THBS2: variants seen among roughly 807,000 people sequenced by gnomAD.
THBS2 encodes thrombospondin 2, also known as thrombospondin-2.
THBS2 carries 47 observed loss-of-function variants against 135.2 expected under a neutral mutation model. The ratio of observed to expected loss-of-function variants is 0.35; its 90% confidence interval spans 0.28 to 0.44. The LOEUF is 0.44. Ranked by LOEUF, THBS2 falls within the 20% of genes least tolerant of loss-of-function variation. THBS2 has a pLI of 1.00. For synonymous variants in THBS2, 639 were observed against 633.8 expected (o/e 1.01, Z -0.12); for missense variants, 1,288 against 1,603.1 (o/e 0.80, Z 3.36).
At chr6:169,224,389 C>T (rs2114979731) in intron 17 of THBS2, among the ~76,000 whole-genome samples, 1 of 152,346 alleles carries the variant, frequency 6.6e-6, no homozygotes. Flanking sequence ...GTGCTCACTC[C>T]ATCCCTTCAT....
At chr6:169,228,878 C>T (rs915834642) in intron 14 of THBS2, among the ~76,000 whole-genome samples, 1 of 141,364 alleles carries the variant, frequency 7.1e-6, no homozygotes, top group Non-Finnish European at 1.5e-5. Flanking sequence ...GAGCCAAGAT[C>T]ATGCCATTGC....
At position 169,226,129 on chromosome 6, in the gene THBS2, G is replaced by C. The variant is rs375049448; in HGVS notation, c.2538+51C>G. 9 of 1,513,828 alleles carry C rather than the reference G, an allele frequency of 5.9e-6. No homozygotes were observed. In the African/African-American group the frequency reaches 6.9e-5, roughly 12 times the overall value. 93.8% of individuals were successfully genotyped at this position (1,513,828 alleles called of 1,614,324 possible). On this transcript the variant is annotated intron_variant, in intron 16 of 21. Transcript: ENST00000617924. Reference sequence around the variant, plus strand: ...GATCCCCCACACCGCCACCGTCCCCGCGTCCCTCTGATGAGGACCTCCAAC... The same window carrying C: ...GATCCCCCACACCGCCACCGTCCCCCCGTCCCTCTGATGAGGACCTCCAAC...
At chr6:169,218,057 GATGGATGA>G (rs1779245812) in intron 21 of THBS2, among the ~76,000 whole-genome samples, 1 of 117,556 alleles carries the variant, frequency 8.5e-6, no homozygotes, top group Non-Finnish European at 1.9e-5. Flanking sequence ...TGGATGGATG[GATGGATGA>G]AATGGATGGG....
At position 169,240,511 on chromosome 6, in the gene THBS2, G is replaced by C. The variant is rs767196996; in HGVS notation, c.973C>G (p.Arg325Gly). The C allele has an allele frequency of 1.2e-6, 2 of 1,613,960 alleles. No individual in the cohort carries two copies. The change falls in exon 6 of 22, where the codon CGG becomes GGG. Residue 325 changes from arginine (R) to glycine (G), a missense_variant. This residue lies in a region of THBS2 where 414 missense variants were observed against 447.0 expected (regional missense o/e 0.93). Transcript: ENST00000617924. ...CACGTTTCATTTTCCGCAAAGAACC[G>C]GCCATCCTGCCAGCAAGCTGACATG... ...RNMSACWQDG[R>G]FFAENETWVV...
chr6:169,244,936 CG>C (rs763780565), intron 4 of THBS2, among the ~76,000 whole-genome samples: 15 of 152,202 alleles, frequency 9.9e-5, no homozygotes, highest in Admixed American at 9.8e-4. Context: ...CACAAGGACC[CG>C]GACCTGCAAA....
rs779026599 is a variant in THBS2 at position 169,248,888 on chromosome 6, G to A, written c.138C>T (p.Arg46=). ...NRKTIGAKQF[R]GPDPGVPAYR... ...AAGCCGGCACGCCGGGGTCGGGCCCGCGGAACTGCTTGGCGCCAATGGTCT... is the reference window on the plus strand; with the variant it reads ...AAGCCGGCACGCCGGGGTCGGGCCCACGGAACTGCTTGGCGCCAATGGTCT... The change falls in exon 3 of 22, where the codon CGC becomes CGT. Residue 46 remains arginine, a synonymous_variant. Transcript: ENST00000617924. 1.6e-5 allele frequency: 26 copies of A among 1,613,112 alleles called. No homozygotes were observed. The highest frequency in any genetic ancestry group is 1.3e-4 in the African/African-American group (10 of 74,916).
intron 16 of THBS2, 51 bp from the exon 17 acceptor site, chr6:169,225,430 G>T (rs780329006): frequency 6.6e-7 from 1 of 1,520,146 alleles, no homozygotes; most frequent in Non-Finnish European, 8.9e-7. Context: ...GTTTGAGGAG[G>T]TGGAGAGGAA....
In THBS2 at chr6:169,237,658, G is replaced by A. The variant is rs762675758; in HGVS notation, c.1267C>T (p.Arg423Trp). ...TCACACTTGCTCAGACTGCAAGCCC[G>A]TGTCTGGATGGAGGGCCCCAAGCAG... ...NTCLGPSIQT[R>W]ACSLSKCDTR... Residue 423 changes from arginine (R) to tryptophan (W), a missense_variant, in exon 8 of 22, where the codon CGG becomes TGG. By Grantham distance (101) the Arg-to-Trp change is moderately radical. Around this residue, in one of 2 missense-constraint regions of THBS2, gnomAD observed 874 missense variants for 1,156.1 expected, o/e 0.76. Transcript: ENST00000617924. 1.5e-5 allele frequency: 24 copies of A among 1,612,852 alleles called. No individual in the cohort carries two copies. The highest frequency in any genetic ancestry group is 6.7e-5 in the Admixed American group (4 of 60,010).
At chr6:169,251,763 A>G (rs1389397368) in intron 1 of THBS2, among the ~76,000 whole-genome samples, 1 of 152,174 alleles carries the variant, frequency 6.6e-6, no homozygotes, top group Non-Finnish European at 1.5e-5. Context: ...AGGAATAGAG[A>G]AACATTCCTC....
Position 169,217,726 on chromosome 6 carries a change from G to T in THBS2, c.*96C>A. On this transcript the variant is annotated 3_prime_UTR_variant, in exon 22 of 22. Coordinates refer to ENST00000617924, the MANE Select transcript of THBS2 (RefSeq NM_003247.5). ...GAGTTAAGGTCAAGGGACAGGAGGTGCTGCTAGAGAGAGAAGCCACAAGGA... is the reference window on the plus strand; with the variant it reads ...GAGTTAAGGTCAAGGGACAGGAGGTTCTGCTAGAGAGAGAAGCCACAAGGA... 3.6e-6 allele frequency: 5 copies of T among 1,394,344 alleles called. No homozygotes were observed. The highest frequency in any genetic ancestry group is 5.0e-6 in the Non-Finnish European group (5 of 1,008,696). The allele number at this position is 1,394,344 out of a possible 1,614,324, so 86.4% of individuals were successfully genotyped here.
chr6:169,250,023 C>G (rs1292153046), intron 2 of THBS2, among the ~76,000 whole-genome samples: 3 of 145,476 alleles, frequency 2.1e-5, no homozygotes, highest in Non-Finnish European at 4.6e-5. Context: ...GAGCAGGACT[C>G]CGTCCCAGAA....
rs952698920 is a variant in THBS2, at chr6:169,217,696, C to T, written c.*126G>A. Reference sequence around the variant, plus strand: ...GGGTTGCTGGCAGGAGGTGAAGAACCATCAGAGTTAAGGTCAAGGGACAGG... The same window carrying T: ...GGGTTGCTGGCAGGAGGTGAAGAACTATCAGAGTTAAGGTCAAGGGACAGG... On this transcript the variant is annotated 3_prime_UTR_variant, in exon 22 of 22. Transcript: ENST00000617924. 23 of 1,065,418 alleles carry T rather than the reference C, an allele frequency of 2.2e-5. No homozygotes were observed. The highest frequency in any genetic ancestry group is 3.1e-5 in the Non-Finnish European group (23 of 743,906). The allele number at this position is 1,065,418 out of a possible 1,614,324, so 66.0% of individuals were successfully genotyped here.
intron 4 of THBS2, among the ~76,000 whole-genome samples, chr6:169,243,013 ATTCCCACC>A (rs1465303352): frequency 5.7e-3 from 66 of 11,654 alleles, no homozygotes; most frequent in African/African-American, 0.022. Flanking sequence ...ACCTTCCCAC[ATTCCCACC>A]TTCCCACCTT....
At chr6:169,253,154 T>C (rs906750173) in intron 1 of THBS2, among the ~76,000 whole-genome samples, 19 of 152,126 alleles carry the variant, frequency 1.2e-4, no homozygotes, top group African/African-American at 4.6e-4. Flanking sequence ...TTTCAGCTGC[T>C]AATAATGTTA....
chr6:169,250,952 G>A, intron 1 of THBS2, 146 bp from the exon 2 acceptor site: 1 of 524,432 alleles, frequency 1.9e-6, no homozygotes, highest in Non-Finnish European at 3.4e-6. Context: ...CAAACTGAGA[G>A]CGAAGGAGGA....
chr6:169,236,275 T>C, intron 9 of THBS2, among the ~76,000 whole-genome samples: 2 of 95,318 alleles, frequency 2.1e-5, no homozygotes, highest in African/African-American at 4.6e-5. Context: ...CTATACTCAC[T>C]CCCCATCCAC....
intron 15 of THBS2, 29 bp from the exon 16 acceptor site, chr6:169,226,327 A>G: frequency 6.4e-7 from 1 of 1,568,320 alleles, no homozygotes; most frequent in South Asian, 1.1e-5. Flanking sequence ...GGAAGAAAAC[A>G]AAAACAAACC....
chr6:169,216,908 C>T lies in THBS2; in HGVS notation c.*914G>A, dbSNP rs1334469747. ...GCAACTTGTCCGCAGTTACCAAAGC[C>T]TAGATACGCGTTAGATGCGCCTTTT... is the stretch of plus-strand genomic sequence containing the variant. On this transcript the variant is annotated 3_prime_UTR_variant, in exon 22 of 22. Transcript: ENST00000617924. 2 of 152,354 alleles carry T rather than the reference C, an allele frequency of 1.3e-5. No individual in the cohort carries two copies. Among genetic ancestry groups the T allele is most frequent in the East Asian group, 3.9e-4 (2 of 5,186 alleles). The allele number at this position is 152,354 out of a possible 1,614,324, so 9.4% of individuals were successfully genotyped here.
rs573406586 is a variant in THBS2, at chr6:169,240,231, TC to T, written c.1032+220del. On this transcript the variant is annotated intron_variant, in intron 6 of 21. Transcript: ENST00000617924. The stretch of plus-strand genomic sequence containing the variant: ...CAACTGGGGACGCTGGCCAGGTTGC[TC>T]CCCCTCTCTGGGCTCTGGTTCTTTA... 1.4e-3 allele frequency among the ~76,000 whole-genome samples: 209 copies of T among 152,268 alleles called. 1 individual carries two copies. The highest frequency in any genetic ancestry group is 6.8e-3 in the Middle Eastern group (2 of 294).
Sources: gnomAD v4.1 joint callset for allele counts (sites outside exome capture counted in the v4.1 genomes callset) on GRCh38, gnomAD v4.1.1 for gene constraint, gnomAD v4.1.1 regional missense constraint, MANE v1.5 for transcripts, NCBI Gene and HGNC (gene_info 2026-07-23, HGNC 2026-07-21) for gene names.